Variants in PTPRD observed in about 807,000 individuals in gnomAD.
The protein encoded by PTPRD is protein tyrosine phosphatase receptor type D, also known as receptor-type tyrosine-protein phosphatase delta.
A neutral mutation model predicts 214.5 loss-of-function variants in PTPRD; 34 were observed. The ratio of observed to expected loss-of-function variants is 0.16; its 90% CI spans 0.12 to 0.21. PTPRD has a LOEUF of 0.21. Among genes scored for constraint, PTPRD ranks in the 10% least tolerant of loss-of-function variants. The pLI, the probability that PTPRD is intolerant of heterozygous loss-of-function variation, is 1.00. For missense variants in PTPRD, 2,545 were observed against 2,398.7 expected (o/e 1.06, Z -1.27); for synonymous variants, 1,128 against 845.7 (o/e 1.33, Z -5.79).
intron 36 of PTPRD, among the ~76,000 whole-genome samples, chr9:8,394,988 G>A (rs944481405): frequency 2.0e-5 from 3 of 152,100 alleles, no homozygotes; most frequent in African/African-American, 4.8e-5. Flanking sequence ...GAATCCCACC[G>A]TGGCTCCAGT....
Position 8,790,477 on chromosome 9 carries a change from G to C in PTPRD, c.-103-56531C>G, listed in dbSNP as rs191647772. On this transcript the variant is annotated intron_variant, in intron 11 of 45. Transcript: ENST00000381196. ...CTGTTGCCCAGGCTGTAGTGCAGTG[G>C]TGCGATCTTGGCTCACTGTAACCGC... Among the ~76,000 whole-genome samples the C allele has an allele frequency of 1.1e-4, 16 of 152,026 alleles. No homozygotes were observed. In the East Asian group the frequency reaches 3.1e-3, roughly 30 times the overall value.
chr9:10,559,261 A>G (rs2063311915), intron 2 of PTPRD, among the ~76,000 whole-genome samples: 1 of 152,148 alleles, frequency 6.6e-6, no homozygotes, highest in South Asian at 2.1e-4. Flanking sequence ...GGGGTTATAC[A>G]AGTCCTCTAA....
intron 9 of PTPRD, among the ~76,000 whole-genome samples, chr9:9,258,432 A>T (rs1487371935): frequency 1.8e-5 from 2 of 112,266 alleles, no homozygotes; most frequent in East Asian, 8.3e-4. Context: ...TCTATTAAAT[A>T]AAAAAAAAAA....
chr9:9,746,742 T>C (rs1216472435), intron 6 of PTPRD, among the ~76,000 whole-genome samples: 2 of 151,334 alleles, frequency 1.3e-5, no homozygotes, highest in Non-Finnish European at 2.9e-5. Flanking sequence ...GCTCACACGC[T>C]CTGTAGGAAT....
At chr9:10,358,074 C>A (rs1307887530) in intron 2 of PTPRD, among the ~76,000 whole-genome samples, 1 of 151,978 alleles carries the variant, frequency 6.6e-6, no homozygotes, top group Non-Finnish European at 1.5e-5. Flanking sequence ...ATTTAAAATG[C>A]AAGAAAGCTA....
rs762305389 is a variant in PTPRD, at chr9:8,485,299, T to C, written c.3081A>G (p.Lys1027=). The C allele has an allele frequency of 1.1e-5, 18 of 1,614,006 alleles. No individual in the cohort carries two copies. Among genetic ancestry groups the C allele is most frequent in the South Asian group, 3.3e-5 (3 of 91,080 alleles). ...DQVFAKNFHV[K]AVMKTSVLLS... is the part of the protein sequence containing the mutation. ...GCAACACGGAAGTCTTCATTACTGCTTTGACATGAAAATTTTTTGCAAACA... is the reference window on the plus strand; with the variant it reads ...GCAACACGGAAGTCTTCATTACTGCCTTGACATGAAAATTTTTTGCAAACA... Residue 1027 remains lysine (K), a synonymous_variant, in exon 29 of 46, where the codon AAA becomes AAG. Coordinates refer to ENST00000381196, the MANE Select transcript of PTPRD (RefSeq NM_002839.4).
intron 44 of PTPRD, among the ~76,000 whole-genome samples, chr9:8,329,965 CGTATCTTGCTGGGCTCTGTGGG>C (rs1838224766): frequency 1.3e-5 from 2 of 150,290 alleles, no homozygotes; most frequent in African/African-American, 2.5e-5. Context: ...GGGAGTGGAT[CGTATCTTGCTGGGCTCTGTGGG>C]GGTGGGACAC....
At chr9:9,221,218 G>A (rs1223160954) in intron 9 of PTPRD, among the ~76,000 whole-genome samples, 1 of 152,080 alleles carries the variant, frequency 6.6e-6, no homozygotes, top group African/African-American at 2.4e-5. Flanking sequence ...CATTGGCAAA[G>A]TGAGAAAAGC....
At chr9:8,505,779 C>T (rs573930129) in intron 22 of PTPRD, among the ~76,000 whole-genome samples, 2 of 152,138 alleles carry the variant, frequency 1.3e-5, no homozygotes, top group Admixed American at 1.3e-4. Flanking sequence ...CCTAAATAAG[C>T]AATTGTGGAG....
chr9:8,625,657 T>G (rs2096002182), intron 14 of PTPRD, among the ~76,000 whole-genome samples: 1 of 151,572 alleles, frequency 6.6e-6, no homozygotes, highest in African/African-American at 2.4e-5. Context: ...ACCAAAAATC[T>G]ATCAATTAAA....
In PTPRD at chr9:9,901,192, C is replaced by T. The variant is rs58296150; in HGVS notation, c.-368+37315G>A. ...ATATAACCATCCCAATTATATGTCT[C>T]GGACTAGCCTTTAGCAGCCACTGTT... On this transcript the variant is annotated intron_variant, in intron 5 of 45. Transcript: ENST00000381196. Among the ~76,000 whole-genome samples, 796 of 152,180 alleles carry T rather than the reference C, an allele frequency of 5.2e-3. 9 individuals are homozygous for T. Among genetic ancestry groups the T allele is most frequent in the African/African-American group, 0.018 (755 of 41,516 alleles).
chr9:8,945,037 T>C (rs929291645), intron 11 of PTPRD, among the ~76,000 whole-genome samples: 1 of 152,074 alleles, frequency 6.6e-6, no homozygotes, highest in Non-Finnish European at 1.5e-5. Context: ...GTACTTACTA[T>C]GTACTCATGA....
At chr9:10,060,970 C>A (rs1463728244) in intron 3 of PTPRD, among the ~76,000 whole-genome samples, 3 of 140,622 alleles carry the variant, frequency 2.1e-5, no homozygotes, top group Non-Finnish European at 3.0e-5. Context: ...TCCTTTCTTC[C>A]TTTCTGTCTT....
intron 14 of PTPRD, among the ~76,000 whole-genome samples, chr9:8,551,659 G>A (rs1179662306): frequency 6.6e-6 from 1 of 152,158 alleles, no homozygotes; most frequent in Non-Finnish European, 1.5e-5. Context: ...TCATCATGAA[G>A]GAGAACCATT....
intron 9 of PTPRD, among the ~76,000 whole-genome samples, chr9:9,332,239 GGAGA>G (rs35963082): frequency 2.6e-5 from 4 of 151,664 alleles, no homozygotes; most frequent in Non-Finnish European, 5.9e-5. Flanking sequence ...TTTAGCAGGT[GGAGA>G]GAGAGAGAGT....
intron 9 of PTPRD, among the ~76,000 whole-genome samples, chr9:9,345,293 A>T (rs568725121): frequency 5.9e-5 from 9 of 152,214 alleles, no homozygotes; most frequent in Admixed American, 1.3e-4. Flanking sequence ...TATCTAATCC[A>T]TTAGGGCAGC....
At chr9:9,546,596 T>C (rs2154278156) in intron 8 of PTPRD, among the ~76,000 whole-genome samples, 1 of 151,956 alleles carries the variant, frequency 6.6e-6, no homozygotes, top group South Asian at 2.1e-4. Flanking sequence ...CTTTATGCTA[T>C]ATAAATTATC....
chr9:8,984,823 G>C (rs571575838), intron 11 of PTPRD, among the ~76,000 whole-genome samples: 1 of 152,156 alleles, frequency 6.6e-6, no homozygotes, highest in Non-Finnish European at 1.5e-5. Flanking sequence ...ACAAAGCTTG[G>C]ATGTGGGAAT....
intron 3 of PTPRD, among the ~76,000 whole-genome samples, chr9:10,324,720 TCA>T (rs1180333822): frequency 1.3e-5 from 2 of 152,018 alleles, no homozygotes; most frequent in African/African-American, 2.4e-5. Context: ...AAAGAAACAC[TCA>T]GTCTTTTTGT....
Sources: allele counts gnomAD v4.1 joint callset (sites outside exome capture counted in the v4.1 genomes callset), GRCh38; gene constraint gnomAD v4.1.1; transcripts MANE v1.5; gene names NCBI Gene and HGNC (gene_info 2026-07-23, HGNC 2026-07-21).